GPR39: variants seen among roughly 807,000 people sequenced by gnomAD.
The protein encoded by GPR39 is zinc sensing receptor.
GPR39 carries 23 observed loss-of-function variants against 18.4 expected under a neutral mutation model. The observed-to-expected ratio is 1.25, with a 90% confidence interval of 0.90 to 1.77. GPR39 has a LOEUF of 1.77. GPR39 is among the 40% of genes most tolerant of loss of function. The pLI is 0.00. For synonymous variants in GPR39, 280 were observed against 257.9 expected (o/e 1.09, Z -0.82); for missense variants, 647 against 602.4 (o/e 1.07, Z -0.78).
intron 1 of GPR39, among the ~76,000 whole-genome samples, chr2:132,457,238 A>G (rs566602019): frequency 2.6e-5 from 4 of 152,124 alleles, no homozygotes; most frequent in African/African-American, 4.8e-5. Context: ...TTGATCTTCA[A>G]TCACTGAAAC....
intron 1 of GPR39, among the ~76,000 whole-genome samples, chr2:132,529,602 C>A (rs12052674): frequency 3.9e-5 from 6 of 152,152 alleles, no homozygotes; most frequent in East Asian, 3.9e-4. Flanking sequence ...GAGGCATCCC[C>A]CAGTAGGGGC....
chr2:132,645,074 C>A, intron 1 of GPR39, 27 bp from the exon 2 acceptor site: 1 of 1,587,654 alleles, frequency 6.3e-7, no homozygotes, highest in Non-Finnish European at 8.6e-7. Flanking sequence ...TTTTCTCTGT[C>A]TCTCCCTCCT....
chr2:132,591,636 A>G (rs1680846406), intron 1 of GPR39, among the ~76,000 whole-genome samples: 1 of 152,202 alleles, frequency 6.6e-6, no homozygotes, highest in Admixed American at 6.5e-5. Flanking sequence ...AACACTGAGT[A>G]ATACAGATTT....
intron 1 of GPR39, among the ~76,000 whole-genome samples, chr2:132,578,210 C>G (rs1375081366): frequency 1.3e-5 from 2 of 151,900 alleles, no homozygotes; most frequent in Non-Finnish European, 2.9e-5. Context: ...AATATTGCAT[C>G]AGCCTTGCAT....
intron 1 of GPR39, among the ~76,000 whole-genome samples, chr2:132,435,419 T>C (rs1448082958): frequency 6.6e-6 from 1 of 151,788 alleles, no homozygotes; most frequent in Non-Finnish European, 1.5e-5. Context: ...CTAATAACTT[T>C]CTCTTTCTCT....
At chr2:132,578,697 G>A (rs1680571561) in intron 1 of GPR39, among the ~76,000 whole-genome samples, 5 of 152,056 alleles carry the variant, frequency 3.3e-5, no homozygotes, top group Admixed American at 3.3e-4. Context: ...GAACTAGATT[G>A]TTTGATTAGC....
In GPR39 at chr2:132,416,950, A is replaced by G. The variant is rs370506301; in HGVS notation, c.-93A>G. ...GTGAGATAAAATCGTGCGCCCACGC[A>G]GGTGAGTTTGCAGCCAAGAATTTTG... is the stretch of plus-strand genomic sequence containing the variant. On this transcript the variant is annotated 5_prime_UTR_variant, in exon 1 of 2. Coordinates refer to ENST00000329321, the MANE Select transcript of GPR39 (RefSeq NM_001508.3). 54 of 1,454,382 alleles carry G rather than the reference A, an allele frequency of 3.7e-5. 2 individuals are homozygous for G. The highest frequency in any genetic ancestry group is 3.5e-4 in the South Asian group (27 of 76,752). The allele number at this position is 1,454,382 out of a possible 1,614,324, so 90.1% of individuals were successfully genotyped here.
chr2:132,574,678 C>G (rs572058950), intron 1 of GPR39, among the ~76,000 whole-genome samples: 9 of 152,204 alleles, frequency 5.9e-5, no homozygotes, highest in South Asian at 4.2e-4. Context: ...GAGGTTGCAG[C>G]GAGCCAAGAT....
At chr2:132,548,551 A>T (rs746339183) in intron 1 of GPR39, among the ~76,000 whole-genome samples, 2 of 152,240 alleles carry the variant, frequency 1.3e-5, no homozygotes, top group Non-Finnish European at 2.9e-5. Context: ...AAAACAATCA[A>T]GTGAAAGGAA....
At position 132,417,514 on chromosome 2, in the gene GPR39, T is replaced by G. The variant is rs764125542; in HGVS notation, c.472T>G (p.Phe158Val). Reference protein sequence around the residue: ...GPCQVKLLIGFVWVTSALVAL... With the variant: ...GPCQVKLLIGVVWVTSALVAL... ...TTGCCAGGTGAAGCTGCTGATTGGC[T>G]TCGTCTGGGTCACCTCCGCCCTGGT... The change falls in exon 1 of 2, where the codon TTC becomes GTC. Residue 158 changes from phenylalanine (F) to valine (V), a missense_variant. Transcript: ENST00000329321. 1 of 1,614,138 alleles carries G rather than the reference T, an allele frequency of 6.2e-7. No homozygotes were observed. Among genetic ancestry groups the G allele is most frequent in the Non-Finnish European group, 8.5e-7 (1 of 1,180,004 alleles).
intron 1 of GPR39, among the ~76,000 whole-genome samples, chr2:132,592,627 T>C (rs902938100): frequency 6.6e-6 from 1 of 152,172 alleles, no homozygotes; most frequent in African/African-American, 2.4e-5. Flanking sequence ...CTGGATGCTG[T>C]GTTGGGTAGC....
At chr2:132,616,893 C>G (rs775898611) in intron 1 of GPR39, among the ~76,000 whole-genome samples, 12 of 152,234 alleles carry the variant, frequency 7.9e-5, no homozygotes, top group Non-Finnish European at 4.4e-5. Context: ...ATGCCCCGCT[C>G]CCGCCACGGT....
chr2:132,592,503 G>C (rs1421335537), intron 1 of GPR39, among the ~76,000 whole-genome samples: 1 of 152,176 alleles, frequency 6.6e-6, no homozygotes, highest in Non-Finnish European at 1.5e-5. Flanking sequence ...CCAGGTCTTG[G>C]AGAACCACAG....
chr2:132,535,381 A>G (rs964116626), intron 1 of GPR39, among the ~76,000 whole-genome samples: 1 of 152,166 alleles, frequency 6.6e-6, no homozygotes, highest in Non-Finnish European at 1.5e-5. Flanking sequence ...TGATTTGTGT[A>G]TGTTGAACCA....
intron 1 of GPR39, among the ~76,000 whole-genome samples, chr2:132,550,820 T>G (rs187954495): frequency 7.2e-5 from 11 of 152,362 alleles, no homozygotes; most frequent in Non-Finnish European, 1.3e-4. Flanking sequence ...GCTGTATTTC[T>G]GTCCAGACTA....
At chr2:132,544,780 A>G (rs1015665875) in intron 1 of GPR39, among the ~76,000 whole-genome samples, 1 of 152,164 alleles carries the variant, frequency 6.6e-6, no homozygotes, top group Non-Finnish European at 1.5e-5. Flanking sequence ...AAGGGTGAGA[A>G]GGGCAGAGGA....
intron 1 of GPR39, among the ~76,000 whole-genome samples, chr2:132,426,800 G>A (rs1047576317): frequency 5.3e-5 from 8 of 152,256 alleles, no homozygotes; most frequent in South Asian, 2.1e-4. Context: ...GAGCAGTGGT[G>A]TTACTGGTAC....
At chr2:132,455,213 G>A (rs1030745733) in intron 1 of GPR39, among the ~76,000 whole-genome samples, 28 of 151,992 alleles carry the variant, frequency 1.8e-4, no homozygotes, top group Non-Finnish European at 3.7e-4. Context: ...GTCTTGGGAG[G>A]GTGTATGTGT....
At chr2:132,571,003 T>C (rs997732347) in intron 1 of GPR39, among the ~76,000 whole-genome samples, 10 of 152,216 alleles carry the variant, frequency 6.6e-5, no homozygotes, top group Non-Finnish European at 1.2e-4. Flanking sequence ...CTCAGTGCGC[T>C]GTAGGGACTG....
Sources: allele counts gnomAD v4.1 joint callset (sites outside exome capture counted in the v4.1 genomes callset), GRCh38; gene constraint gnomAD v4.1.1; transcripts MANE v1.5; gene names NCBI Gene and HGNC (gene_info 2026-07-23, HGNC 2026-07-21).